KLRG1: variants seen among roughly 807,000 people sequenced by gnomAD.
KLRG1 encodes the protein killer cell lectin-like receptor subfamily G member 1.
KLRG1 carries 16 observed loss-of-function variants against 21.8 expected under a neutral mutation model. The observed-to-expected ratio is 0.73, with a 90% CI of 0.50 to 1.11. The LOEUF (loss-of-function observed/expected upper bound fraction) is 1.11. Among genes scored for constraint, KLRG1 ranks in the 50% most tolerant of loss-of-function variants. The pLI, the probability that KLRG1 is intolerant of heterozygous loss-of-function variation, is 0.00. For missense variants in KLRG1, 173 were observed against 218.3 expected (o/e 0.79, Z 1.31); for synonymous variants, 69 against 75.9 (o/e 0.91, Z 0.47).
chr12:9,182,053 G>A, the KLRG1 span: 2 of 1,613,684 alleles, frequency 1.2e-6, no homozygotes, highest in Non-Finnish European at 1.7e-6. Flanking sequence ...TGGCAAAGAT[G>A]AACATTCGTG....
upstream of KLRG1, among the ~76,000 whole-genome samples, chr12:8,985,725 G>A (rs971600387): frequency 3.3e-5 from 5 of 152,202 alleles, no homozygotes; most frequent in African/African-American, 1.2e-4. Context: ...GGGGAAAGGG[G>A]TGTGGAGCTT....
At chr12:9,068,082 T>C in the KLRG1 span, 1 of 1,341,112 alleles carries the variant, frequency 7.5e-7, no homozygotes. Flanking sequence ...AGTAATTTGA[T>C]GTTTTTGACA....
chr12:9,166,236 A>G, the KLRG1 span: 82 of 1,601,302 alleles, frequency 5.1e-5, no homozygotes, highest in Non-Finnish European at 7.0e-5. Context: ...GTTAGGGAAA[A>G]ACATTCATTA....
the KLRG1 span, chr12:9,079,137 C>A: frequency 1.2e-6 from 1 of 811,908 alleles, no homozygotes; most frequent in Non-Finnish European, 1.9e-6. Context: ...AACAAACCAT[C>A]GGTCTGATAA....
the KLRG1 span, chr12:9,165,002 G>T: frequency 1.9e-6 from 2 of 1,058,648 alleles, no homozygotes; most frequent in Non-Finnish European, 2.8e-6. Context: ...GTCCTGCTTT[G>T]CATAGCACTA....
At chr12:9,033,878 C>G in the KLRG1 span, among the ~76,000 whole-genome samples, 2 of 152,152 alleles carry the variant, frequency 1.3e-5, no homozygotes, top group African/African-American at 4.8e-5. Context: ...GACTCCCTAT[C>G]GGTGGGAGAT....
chr12:9,116,069 C>A, the KLRG1 span: 4 of 540,514 alleles, frequency 7.4e-6, no homozygotes, highest in Non-Finnish European at 1.4e-5. Flanking sequence ...TAATTCCTGG[C>A]GGGCTAAATA....
the KLRG1 span, chr12:9,197,193 A>T: frequency 9.7e-7 from 1 of 1,035,220 alleles, no homozygotes. Context: ...TCCTCCACAG[A>T]ACTGTCCCTC....
At chr12:8,992,840 A>G (rs1207635115) in intron 2 of KLRG1, among the ~76,000 whole-genome samples, 1 of 151,656 alleles carries the variant, frequency 6.6e-6, no homozygotes, top group East Asian at 1.9e-4. Flanking sequence ...ACCTGACCAT[A>G]TTTTCTTAAT....
At chr12:9,159,956 C>G in the KLRG1 span, 1 of 1,613,284 alleles carries the variant, frequency 6.2e-7, no homozygotes, top group Non-Finnish European at 8.5e-7. Context: ...GCCCTGGTTC[C>G]TGCCATATCG....
At chr12:9,059,382 T>A in the KLRG1 span, among the ~76,000 whole-genome samples, 1 of 152,246 alleles carries the variant, frequency 6.6e-6, no homozygotes, top group African/African-American at 2.4e-5. Flanking sequence ...TGGTACTATA[T>A]GAATTCAATT....
At chr12:9,057,679 T>G in the KLRG1 span, 38 of 152,738 alleles carry the variant, frequency 2.5e-4, no homozygotes, top group African/African-American at 8.7e-4. Context: ...TATGGGGTTG[T>G]CTTGCAGAAG....
chr12:9,200,562 C>A, the KLRG1 span: 1 of 818,688 alleles, frequency 1.2e-6, no homozygotes, highest in South Asian at 1.8e-5. Flanking sequence ...GTTAGATTTA[C>A]TTTCCAATGT....
At chr12:9,119,384 A>G in the KLRG1 span, among the ~76,000 whole-genome samples, 1 of 152,172 alleles carries the variant, frequency 6.6e-6, no homozygotes, top group Admixed American at 6.5e-5. Flanking sequence ...ACCCATGTCA[A>G]GTGCCGCTGT....
At chr12:9,028,590 C>T in the KLRG1 span, among the ~76,000 whole-genome samples, 1 of 151,886 alleles carries the variant, frequency 6.6e-6, no homozygotes, top group Non-Finnish European at 1.5e-5. Flanking sequence ...ACTACAGGCA[C>T]GCACCACCAC....
At chr12:9,127,472 C>T in the KLRG1 span, among the ~76,000 whole-genome samples, 1 of 152,138 alleles carries the variant, frequency 6.6e-6, no homozygotes, top group Non-Finnish European at 1.5e-5. Flanking sequence ...TTAAAATTTC[C>T]GATTCCTCCT....
chr12:8,973,425 A>G (rs986856113), intron 1 of KLRG1, among the ~76,000 whole-genome samples: 1 of 152,164 alleles, frequency 6.6e-6, no homozygotes, highest in African/African-American at 2.4e-5. Context: ...GGAGGAAACC[A>G]GGTAGTCGCC....
chr12:9,128,895 T>C, the KLRG1 span, among the ~76,000 whole-genome samples: 22 of 152,204 alleles, frequency 1.4e-4, no homozygotes, highest in Non-Finnish European at 2.2e-4. Context: ...TTTTGAAATA[T>C]GTGAAATCTG....
downstream of KLRG1, among the ~76,000 whole-genome samples, chr12:9,013,830 G>A (rs1947664162): frequency 6.6e-6 from 1 of 152,040 alleles, no homozygotes; most frequent in Non-Finnish European, 1.5e-5. Flanking sequence ...GATTTGGGTG[G>A]GGCATAGCCA....
Sources: gnomAD v4.1 joint callset for allele counts (sites outside exome capture counted in the v4.1 genomes callset) on GRCh38, gnomAD v4.1.1 for gene constraint, MANE v1.5 for transcripts, NCBI Gene and HGNC (gene_info 2026-07-23, HGNC 2026-07-21) for gene names.